ADGRL4: variants seen among roughly 807,000 people sequenced by gnomAD.
The protein encoded by ADGRL4 is EGF, latrophilin and seven transmembrane domain containing 1.
In ADGRL4, 90 loss-of-function variants were observed where a neutral mutation model predicts 74.8. The observed-to-expected ratio is 1.20, with a 90% CI of 1.02 to 1.43. ADGRL4 has a LOEUF of 1.43. ADGRL4 is among the 40% of genes most tolerant of loss of function. The probability of loss-of-function intolerance (pLI) is 0.00; values close to 1 mark genes in which losing one functional copy is unlikely to be tolerated. For synonymous variants in ADGRL4, 311 were observed against 279.2 expected (o/e 1.11, Z -1.14); for missense variants, 881 against 814.3 (o/e 1.08, Z -1.00).
At chr1:78,902,171 G>A (rs1186977965) in intron 12 of ADGRL4, among the ~76,000 whole-genome samples, 3 of 152,172 alleles carry the variant, frequency 2.0e-5, no homozygotes, top group African/African-American at 7.2e-5. Context: ...CCAATTAGAT[G>A]AATAATCGCT....
chr1:78,992,239 C>T (rs1350115957), intron 2 of ADGRL4, among the ~76,000 whole-genome samples: 1 of 152,018 alleles, frequency 6.6e-6, no homozygotes, highest in Non-Finnish European at 1.5e-5. Context: ...AGTTAACATT[C>T]TGTCTTTCGG....
intron 7 of ADGRL4, among the ~76,000 whole-genome samples, chr1:78,928,422 C>T (rs943546537): frequency 6.6e-6 from 1 of 151,236 alleles, no homozygotes; most frequent in Non-Finnish European, 1.5e-5. Flanking sequence ...CTTAACAAAC[C>T]TGTACTTTTA....
intron 2 of ADGRL4, among the ~76,000 whole-genome samples, chr1:78,957,162 T>C (rs1649852541): frequency 6.6e-6 from 1 of 152,192 alleles, no homozygotes; most frequent in Non-Finnish European, 1.5e-5. Context: ...TGGCTGTTTC[T>C]CAGTCTCTCC....
chr1:78,957,666 A>C (rs1649863708), intron 2 of ADGRL4, among the ~76,000 whole-genome samples: 1 of 152,226 alleles, frequency 6.6e-6, no homozygotes, highest in African/African-American at 2.4e-5. Flanking sequence ...TAAGGAAAGA[A>C]GCTGTCTCCA....
intron 2 of ADGRL4, among the ~76,000 whole-genome samples, chr1:78,963,653 T>G (rs1385395883): frequency 6.6e-6 from 1 of 152,200 alleles, no homozygotes; most frequent in Non-Finnish European, 1.5e-5. Context: ...AGAAATATTA[T>G]CATTTATGTC....
intron 2 of ADGRL4, among the ~76,000 whole-genome samples, chr1:78,986,557 G>T (rs1398944253): frequency 6.6e-6 from 1 of 151,780 alleles, no homozygotes; most frequent in Admixed American, 6.6e-5. Context: ...GCTGAAGTAA[G>T]CTATGGTTGA....
At chr1:78,986,793 G>A (rs17102579) in intron 2 of ADGRL4, among the ~76,000 whole-genome samples, 8,222 of 151,548 alleles carry the variant, frequency 0.054, 319 homozygotes, top group African/African-American at 0.11. Context: ...AGAGTAGCTG[G>A]GGTCCTATTT....
intron 2 of ADGRL4, among the ~76,000 whole-genome samples, chr1:78,999,761 C>A (rs1279309202): frequency 6.6e-6 from 1 of 151,946 alleles, no homozygotes; most frequent in Non-Finnish European, 1.5e-5. Context: ...ATCACTAATG[C>A]ATATTATATG....
At chr1:78,988,980 A>G (rs1650551185) in intron 2 of ADGRL4, among the ~76,000 whole-genome samples, 1 of 151,864 alleles carries the variant, frequency 6.6e-6, no homozygotes, top group South Asian at 2.1e-4. Flanking sequence ...ATTAAAAGAA[A>G]CTTCATATAT....
chr1:79,001,406 A>G (rs895887668), intron 2 of ADGRL4, among the ~76,000 whole-genome samples: 1 of 151,966 alleles, frequency 6.6e-6, no homozygotes, highest in Non-Finnish European at 1.5e-5. Flanking sequence ...AAATATTTTT[A>G]AAATGCTTAA....
intron 2 of ADGRL4, among the ~76,000 whole-genome samples, chr1:79,000,942 C>T (rs536426703): frequency 2.6e-5 from 4 of 151,912 alleles, no homozygotes; most frequent in South Asian, 2.1e-4. Context: ...CTCTGAGATA[C>T]GTAAAAATTC....
At position 78,901,617 on chromosome 1, in the gene ADGRL4, G is replaced by A. The variant is rs549934213; in HGVS notation, c.1750-8428C>T. Among the ~76,000 whole-genome samples, 12 of 152,178 alleles carry A rather than the reference G, an allele frequency of 7.9e-5. No homozygotes were observed. In the East Asian group the frequency reaches 2.3e-3, roughly 29 times the overall value. On this transcript the variant is annotated intron_variant, in intron 12 of 14. Coordinates refer to ENST00000370742, the MANE Select transcript of ADGRL4 (RefSeq NM_022159.4). Reference sequence around the variant, plus strand: ...AAACACTTTTTGTTAGTAAAGTAATGGTTAGAAATAAAATGTATAAAGCAC... The same window carrying A: ...AAACACTTTTTGTTAGTAAAGTAATAGTTAGAAATAAAATGTATAAAGCAC...
chr1:78,897,773 TG>T (rs1310542789), intron 12 of ADGRL4, among the ~76,000 whole-genome samples: 5 of 152,286 alleles, frequency 3.3e-5, no homozygotes, highest in Admixed American at 6.5e-5. Flanking sequence ...TCAGCAAAGT[TG>T]GGGTAAATAA....
chr1:78,901,937 G>A (rs1397718520), intron 12 of ADGRL4, among the ~76,000 whole-genome samples: 2 of 152,096 alleles, frequency 1.3e-5, no homozygotes, highest in African/African-American at 4.8e-5. Flanking sequence ...AGAAATGGGA[G>A]TGCAGTCTAC....
intron 12 of ADGRL4, among the ~76,000 whole-genome samples, chr1:78,917,080 G>T (rs995125619): frequency 4.6e-5 from 7 of 151,944 alleles, no homozygotes; most frequent in Admixed American, 1.3e-4. Flanking sequence ...GTGGGTTCTT[G>T]TCTCTGCTGT....
chr1:78,942,173 CAAAAAAA>C (rs398049382), intron 3 of ADGRL4, among the ~76,000 whole-genome samples: 1 of 73,612 alleles, frequency 1.4e-5, no homozygotes, highest in Admixed American at 1.7e-4. Context: ...GACTCCGTCT[CAAAAAAA>C]AAAAAAAAAA....
chr1:78,904,856 G>C (rs1298809572), intron 12 of ADGRL4, among the ~76,000 whole-genome samples: 1 of 152,018 alleles, frequency 6.6e-6, no homozygotes, highest in African/African-American at 2.4e-5. Context: ...GTACTCCAAA[G>C]AGTACCTAAT....
chr1:78,969,495 C>T (rs1650126190), intron 2 of ADGRL4, among the ~76,000 whole-genome samples: 1 of 152,124 alleles, frequency 6.6e-6, no homozygotes, highest in Non-Finnish European at 1.5e-5. Flanking sequence ...CAGGATCACC[C>T]AACTCACAGA....
At chr1:78,999,156 A>C (rs933829289) in intron 2 of ADGRL4, among the ~76,000 whole-genome samples, 1 of 152,178 alleles carries the variant, frequency 6.6e-6, no homozygotes, top group African/African-American at 2.4e-5. Flanking sequence ...ATGCCCTAAA[A>C]ATTGGGACTA....
Sources: allele counts gnomAD v4.1 joint callset (sites outside exome capture counted in the v4.1 genomes callset), GRCh38; gene constraint gnomAD v4.1.1; transcripts MANE v1.5; gene names NCBI Gene and HGNC (gene_info 2026-07-23, HGNC 2026-07-21).